ROR1: variants seen among roughly 807,000 people sequenced by gnomAD.
The protein encoded by ROR1 is ROR family WNT receptor 1.
In ROR1, 19 loss-of-function variants were observed where a neutral mutation model predicts 78.8. The ratio of observed to expected loss-of-function variants is 0.24; its 90% CI spans 0.17 to 0.35. ROR1 has a LOEUF of 0.35. ROR1 is among the 10% of genes least tolerant of loss of function. The pLI is 1.00. For synonymous variants in ROR1, 386 were observed against 433.6 expected (o/e 0.89, Z 1.36); for missense variants, 917 against 1,177.8 (o/e 0.78, Z 3.24).
At chr1:63,903,811 A>G (rs1645504920) in intron 1 of ROR1, among the ~76,000 whole-genome samples, 1 of 152,012 alleles carries the variant, frequency 6.6e-6, no homozygotes, top group South Asian at 2.1e-4. Flanking sequence ...TTTCTTACAC[A>G]GCAGGTAGCA....
intron 1 of ROR1, among the ~76,000 whole-genome samples, chr1:63,921,902 G>A (rs1414797881): frequency 6.6e-6 from 1 of 152,122 alleles, no homozygotes; most frequent in Non-Finnish European, 1.5e-5. Context: ...CTGCAAATGT[G>A]CATTTTTATA....
At chr1:63,893,689 T>G (rs1557548076) in intron 1 of ROR1, among the ~76,000 whole-genome samples, 1 of 152,134 alleles carries the variant, frequency 6.6e-6, no homozygotes, top group Non-Finnish European at 1.5e-5. Flanking sequence ...AGCTGTCTTT[T>G]CATCAATTAA....
At chr1:64,168,735 G>A (rs1650156874) in intron 8 of ROR1, among the ~76,000 whole-genome samples, 1 of 152,176 alleles carries the variant, frequency 6.6e-6, no homozygotes, top group African/African-American at 2.4e-5. Flanking sequence ...TATTTCCAAA[G>A]CATCTTTTCA....
chr1:64,026,770 G>A (rs1646614462), intron 2 of ROR1, among the ~76,000 whole-genome samples: 1 of 152,150 alleles, frequency 6.6e-6, no homozygotes, highest in Non-Finnish European at 1.5e-5. Context: ...CAGATCTCAT[G>A]AGAACTCCTT....
intron 1 of ROR1, among the ~76,000 whole-genome samples, chr1:63,989,990 A>G (rs770584597): frequency 6.6e-6 from 1 of 152,130 alleles, no homozygotes; most frequent in Non-Finnish European, 1.5e-5. Flanking sequence ...TTTAGGATCA[A>G]TTATAATTTC....
At chr1:64,021,911 G>T (rs543220417) in intron 2 of ROR1, among the ~76,000 whole-genome samples, 1 of 152,166 alleles carries the variant, frequency 6.6e-6, no homozygotes, top group East Asian at 1.9e-4. Context: ...CCAAAGAATT[G>T]AAAACAGGTA....
At chr1:63,814,188 T>C (rs1452569748) in intron 1 of ROR1, among the ~76,000 whole-genome samples, 1 of 152,166 alleles carries the variant, frequency 6.6e-6, no homozygotes, top group African/African-American at 2.4e-5. Flanking sequence ...GGCCTGGAAC[T>C]CTCTCTGGGC....
At chr1:63,776,710 G>C (rs543219869) in intron 1 of ROR1, among the ~76,000 whole-genome samples, 1 of 152,092 alleles carries the variant, frequency 6.6e-6, no homozygotes. Flanking sequence ...CTTTAATTTC[G>C]CTTCTCTTTC....
At chr1:64,031,413 C>T (rs1398060929) in intron 2 of ROR1, among the ~76,000 whole-genome samples, 2 of 152,212 alleles carry the variant, frequency 1.3e-5, no homozygotes, top group Admixed American at 6.5e-5. Flanking sequence ...CTGAGCCCCC[C>T]AGGGTCAGCT....
At chr1:64,136,342 G>A (rs183055871) in intron 4 of ROR1, among the ~76,000 whole-genome samples, 84 of 146,852 alleles carry the variant, frequency 5.7e-4, no homozygotes, top group Non-Finnish European at 9.5e-4. Context: ...AAACCAAAGG[G>A]GAAAAACGGT....
At chr1:63,994,568 G>T (rs548867711) in intron 1 of ROR1, among the ~76,000 whole-genome samples, 2 of 152,142 alleles carry the variant, frequency 1.3e-5, no homozygotes, top group Admixed American at 6.5e-5. Flanking sequence ...AATGGAGAAG[G>T]CTTGTGGGGA....
At chr1:63,902,468 CCA>C in intron 1 of ROR1, among the ~76,000 whole-genome samples, 1 of 151,830 alleles carries the variant, frequency 6.6e-6, no homozygotes, top group South Asian at 2.1e-4. Context: ...CAGGCACATG[CCA>C]CCATGCCCAG....
At chr1:64,063,100 C>G (rs998149373) in intron 4 of ROR1, among the ~76,000 whole-genome samples, 3 of 152,014 alleles carry the variant, frequency 2.0e-5, no homozygotes, top group Non-Finnish European at 2.9e-5. Flanking sequence ...CCATTGTAAC[C>G]AAGAATGATA....
At chr1:63,827,193 G>T (rs944429586) in intron 1 of ROR1, among the ~76,000 whole-genome samples, 1 of 151,858 alleles carries the variant, frequency 6.6e-6, no homozygotes, top group Non-Finnish European at 1.5e-5. Flanking sequence ...TTAGACCTTT[G>T]CTGGGTGCAT....
intron 1 of ROR1, among the ~76,000 whole-genome samples, chr1:63,783,198 A>C (rs1644663983): frequency 6.6e-6 from 1 of 152,130 alleles, no homozygotes; most frequent in South Asian, 2.1e-4. Flanking sequence ...TGTTTTTAGC[A>C]TATGAAGGGT....
intron 2 of ROR1, among the ~76,000 whole-genome samples, chr1:64,033,893 T>C (rs936385619): frequency 1.3e-5 from 2 of 152,192 alleles, no homozygotes; most frequent in African/African-American, 4.8e-5. Flanking sequence ...AATAATTTGC[T>C]CAAGGATACA....
chr1:63,858,035 TCCCCATTC>T (rs4024574), intron 1 of ROR1, among the ~76,000 whole-genome samples: 25,342 of 152,026 alleles, frequency 0.17, 4,476 homozygotes, highest in African/African-American at 0.45. Flanking sequence ...GGGAACCCTC[TCCCCATTC>T]CCCCAAACTT....
At chr1:63,860,562 T>TACACACACAC (rs68153450) in intron 1 of ROR1, among the ~76,000 whole-genome samples, 2,959 of 126,544 alleles carry the variant, frequency 0.023, 87 homozygotes, top group Non-Finnish European at 0.034. Flanking sequence ...CTACTAAAAA[T>TACACACACAC]ACACACACAC....
intron 1 of ROR1, among the ~76,000 whole-genome samples, chr1:63,971,489 C>T (rs571626373): frequency 2.0e-5 from 3 of 152,142 alleles, no homozygotes; most frequent in Non-Finnish European, 4.4e-5. Context: ...ACCAGGTTAG[C>T]TCAACTACTG....
Sources: allele counts gnomAD v4.1 joint callset (sites outside exome capture counted in the v4.1 genomes callset), GRCh38; gene constraint gnomAD v4.1.1; transcripts MANE v1.5; gene names NCBI Gene and HGNC (gene_info 2026-07-23, HGNC 2026-07-21).